Variants in TLR5 observed in about 807,000 individuals in gnomAD.
The protein encoded by TLR5 is toll-like receptor 5.
For synonymous variants in TLR5, 373 were observed against 384.4 expected, an observed-to-expected ratio of 0.97 and a Z score of 0.35; for missense variants, 944 against 999.8, an observed-to-expected ratio of 0.94 and a Z score of 0.75.
rs1039632752 is a variant in TLR5, at chr1:223,115,052, C to G, written c.-4-2017G>C. On this transcript the variant is annotated intron_variant, in intron 5 of 5. Transcript: ENST00000642603. ...CCAGCCAGCAGCCAGCATGTTCTTT[C>G]AAAAACATAATCTGGTTTATATCAT... 3.9e-5 allele frequency among the ~76,000 whole-genome samples: 6 copies of G among 152,170 alleles called. No individual in the cohort carries two copies. In the East Asian group the frequency reaches 1.2e-3, roughly 29 times the overall value.
intron 5 of TLR5, 119 bp from the exon 6 acceptor site, chr1:223,113,154 C>G (rs536420009): frequency 2.1e-6 from 2 of 949,558 alleles, no homozygotes; most frequent in Non-Finnish European, 3.3e-6. Flanking sequence ...CCCTTCATTC[C>G]TCTGACTCCA....
In TLR5 at chr1:223,111,222, G is replaced by T; in HGVS notation, c.1810C>A (p.Pro604Thr). Reference protein sequence around the residue: ...LNHTNVTIAGPPADIYCVYPD... With the variant: ...LNHTNVTIAGTPADIYCVYPD... ...TACACACAATATATGTCTGCAGGAG[G>T]CCCAGCTATAGTGACATTGGTGTGA... The change falls in exon 6 of 6, where the codon CCT becomes ACT. Residue 604 changes from proline to threonine, a missense_variant. Coordinates refer to ENST00000642603, the MANE Select transcript of TLR5 (RefSeq NM_003268.6). The T allele has an allele frequency of 2.5e-6, 4 of 1,614,172 alleles. No individual in the cohort carries two copies. The highest frequency in any genetic ancestry group is 3.4e-6 in the Non-Finnish European group (4 of 1,180,026).
In TLR5 at chr1:223,137,201, C is replaced by A. The variant is rs1657648571; in HGVS notation, c.-376G>T. 6.6e-6 allele frequency: 1 copy of A among 152,178 alleles called. No homozygotes were observed. Among genetic ancestry groups the A allele is most frequent in the Non-Finnish European group, 1.5e-5 (1 of 68,048 alleles). The allele number at this position is 152,178 out of a possible 1,614,324, so 9.4% of individuals were successfully genotyped here. A position where few individuals can be genotyped will look rare whatever the true frequency, so the allele number is the denominator to read the frequency against. On this transcript the variant is annotated 5_prime_UTR_variant, in exon 3 of 6. Transcript: ENST00000642603. The stretch of plus-strand genomic sequence containing the variant: ...ACCTGGTTTGGTGACTGTGGAGAAG[C>A]CACGTTGTCAGTAGCATCAGGAGTA...
intron 2 of TLR5, among the ~76,000 whole-genome samples, chr1:223,138,432 C>T (rs1657704601): frequency 6.6e-6 from 1 of 152,042 alleles, no homozygotes. Context: ...TTTTCCCACC[C>T]CCATGGCTTC....
intron 5 of TLR5, among the ~76,000 whole-genome samples, chr1:223,116,521 C>A (rs990222386): frequency 1.3e-5 from 2 of 152,072 alleles, no homozygotes; most frequent in Non-Finnish European, 2.9e-5. Flanking sequence ...TAGTGCAGAC[C>A]CAAAGAGCGA....
At chr1:223,123,688 C>G (rs2102901903) in intron 5 of TLR5, 1 of 152,340 alleles carries the variant, frequency 6.6e-6, no homozygotes, top group South Asian at 2.1e-4. Context: ...AAGTACCATC[C>G]AAAAAGAAGC....
At chr1:223,132,445 C>G (rs1469480443) in intron 5 of TLR5, 30 bp downstream of exon 5, 2 of 152,206 alleles carry the variant, frequency 1.3e-5, no homozygotes, top group Non-Finnish European at 2.9e-5. Flanking sequence ...CACAGACACA[C>G]TATGACACAT....
chr1:223,117,703 C>G (rs1267024301), intron 5 of TLR5, among the ~76,000 whole-genome samples: 1 of 152,138 alleles, frequency 6.6e-6, no homozygotes, highest in Non-Finnish European at 1.5e-5. Context: ...CTGTAACACT[C>G]TAAAAGCCGT....
chr1:223,142,943 C>T (rs557528763), intron 1 of TLR5, among the ~76,000 whole-genome samples: 65 of 152,338 alleles, frequency 4.3e-4, no homozygotes, highest in South Asian at 1.4e-3. Flanking sequence ...CTCCAACCTG[C>T]CGGGCACAGG....
rs199968010 is a variant in TLR5, at chr1:223,112,483, G to A, written c.549C>T (p.Phe183=). 167 of 1,614,250 alleles carry A rather than the reference G, an allele frequency of 1.0e-4. 1 individual carries two copies. In the South Asian group the frequency reaches 1.8e-3, roughly 17 times the overall value. The change falls in exon 6 of 6, where the codon TTC becomes TTT. Residue 183 remains phenylalanine, a synonymous_variant. Coordinates refer to ENST00000642603, the MANE Select transcript of TLR5 (RefSeq NM_003268.6). ...GCTCGAGCTCATGTTCACATACAAGGAATATTTGGTTGGAGGAAAAATCTA... is the reference window on the plus strand; with the variant it reads ...GCTCGAGCTCATGTTCACATACAAGAAATATTTGGTTGGAGGAAAAATCTA... ...KSIDFSSNQI[F]LVCEHELEPL...
intron 5 of TLR5, among the ~76,000 whole-genome samples, chr1:223,124,498 GCA>G (rs1333731774): frequency 6.6e-6 from 1 of 151,340 alleles, no homozygotes; most frequent in African/African-American, 2.4e-5. Context: ...CCTTAAGGTA[GCA>G]CAGTTTTAGC....
chr1:223,110,101 C>A lies in TLR5; in HGVS notation c.*354G>T, dbSNP rs761218460. ...GACCATCCCATTTTTTAGCTGAATG[C>A]TAGAGAAAGCACGTCAGCCATCTGC... On this transcript the variant is annotated 3_prime_UTR_variant, in exon 6 of 6. Coordinates refer to ENST00000642603, the MANE Select transcript of TLR5 (RefSeq NM_003268.6). 3.2e-6 allele frequency: 1 copy of A among 309,210 alleles called. No individual in the cohort carries two copies. 19.2% of individuals were successfully genotyped at this position (309,210 alleles called of 1,614,324 possible). A position where few individuals can be genotyped will look rare whatever the true frequency, so the allele number is the denominator to read the frequency against.
chr1:223,112,678 C>G lies in TLR5; in HGVS notation c.354G>C (p.Leu118=), dbSNP rs1161599690. ...ACAGTCTAAGTTCAAACAGATGGAA[C>G]AGTCCCTGAAAAGCATCTGGATGCA... is the stretch of plus-strand genomic sequence containing the variant. ...YFLHPDAFQG[L]FHLFELRLYF... The change falls in exon 6 of 6, where the codon CTG becomes CTC. Residue 118 remains leucine (L), a synonymous_variant. Transcript: ENST00000642603. 3 of 1,614,094 alleles carry G rather than the reference C, an allele frequency of 1.9e-6. No homozygotes were observed. The Admixed American group carries it at 5.0e-5, about 27-fold the overall frequency.
intron 2 of TLR5, among the ~76,000 whole-genome samples, chr1:223,139,010 G>A (rs1413951069): frequency 3.3e-5 from 5 of 152,184 alleles, no homozygotes; most frequent in Admixed American, 6.6e-5. Flanking sequence ...CTTGGCTGCC[G>A]CCATGTAAGA....
intron 5 of TLR5, among the ~76,000 whole-genome samples, chr1:223,130,624 G>A (rs1051249862): frequency 6.6e-6 from 1 of 152,172 alleles, no homozygotes; most frequent in Non-Finnish European, 1.5e-5. Flanking sequence ...TCCTGCCAGG[G>A]AGTGGTTATC....
At chr1:223,125,646 G>A (rs923364769) in intron 5 of TLR5, among the ~76,000 whole-genome samples, 2 of 151,718 alleles carry the variant, frequency 1.3e-5, no homozygotes, top group Non-Finnish European at 1.5e-5. Context: ...TGGTGTTGGT[G>A]GGGGGGTGGT....
rs903810549 is a variant in TLR5 at position 223,115,690 on chromosome 1, G to A, written c.-4-2655C>T. The stretch of plus-strand genomic sequence containing the variant: ...TAGGTACTGACAGGCAGAGGTAAAT[G>A]CAATGGAAGAAAGTAAAGTGGGAAA... On this transcript the variant is annotated intron_variant, in intron 5 of 5. Coordinates refer to ENST00000642603, the MANE Select transcript of TLR5 (RefSeq NM_003268.6). Among the ~76,000 whole-genome samples, 9 of 152,188 alleles carry A rather than the reference G, an allele frequency of 5.9e-5. No individual in the cohort carries two copies. In the East Asian group the frequency reaches 1.5e-3, roughly 26 times the overall value.
chr1:223,136,455 A>C (rs1481384717), intron 3 of TLR5, among the ~76,000 whole-genome samples: 1 of 152,204 alleles, frequency 6.6e-6, no homozygotes, highest in Non-Finnish European at 1.5e-5. Flanking sequence ...ACTAATATTA[A>C]TATCTAGAAA....
At chr1:223,116,472 G>A (rs1294055352) in intron 5 of TLR5, among the ~76,000 whole-genome samples, 2 of 152,254 alleles carry the variant, frequency 1.3e-5, no homozygotes, top group African/African-American at 2.4e-5. Flanking sequence ...CAGGAATTAA[G>A]CTGCAGACCT....
Sources: gnomAD v4.1 joint callset for allele counts (sites outside exome capture counted in the v4.1 genomes callset) on GRCh38, gnomAD v4.1.1 for gene constraint, MANE v1.5 for transcripts, NCBI Gene and HGNC (gene_info 2026-07-23, HGNC 2026-07-21) for gene names.